The following STRN variants were observed in gnomAD, a reference collection of about 807,000 sequenced individuals.
STRN encodes protein phosphatase 2 regulatory subunit B'''alpha.
STRN carries 53 observed loss-of-function variants against 96.3 expected under a neutral mutation model. The observed-to-expected ratio is 0.55, with a 90% confidence interval of 0.44 to 0.69. The LOEUF is 0.69. STRN is among the 30% of genes least tolerant of loss of function. The pLI is 0.00. For missense variants in STRN, 987 were observed against 963.9 expected, an observed-to-expected ratio of 1.02 and a Z score of -0.32; for synonymous variants, 428 against 355.9, an observed-to-expected ratio of 1.20 and a Z score of -2.28.
chr2:36,958,576 A>G (rs1046321378), intron 1 of STRN, among the ~76,000 whole-genome samples: 2 of 152,356 alleles, frequency 1.3e-5, no homozygotes, highest in African/African-American at 4.8e-5. Context: ...GGAGTGGAAG[A>G]TATGTCATTC....
intron 1 of STRN, among the ~76,000 whole-genome samples, chr2:36,937,717 G>C (rs1174073899): frequency 6.6e-6 from 1 of 151,366 alleles, no homozygotes; most frequent in Non-Finnish European, 1.5e-5. Flanking sequence ...AAGGAAATAA[G>C]AAAGAAAAGA....
intron 2 of STRN, 34 bp from the exon 3 acceptor site, chr2:36,916,185 A>T (rs746406488): frequency 1.3e-6 from 2 of 1,556,616 alleles, no homozygotes; most frequent in Admixed American, 3.4e-5. Flanking sequence ...AGACCATCTT[A>T]AAATATGTTT....
chr2:36,857,513 A>T (rs1668375630), intron 14 of STRN, among the ~76,000 whole-genome samples: 1 of 151,784 alleles, frequency 6.6e-6, no homozygotes, highest in African/African-American at 2.4e-5. Flanking sequence ...TGTCTCTACT[A>T]AAAAAACTAC....
intron 1 of STRN, among the ~76,000 whole-genome samples, chr2:36,955,036 G>A (rs76960456): frequency 0.016 from 2,405 of 152,224 alleles, 24 homozygotes; most frequent in Non-Finnish European, 0.025. Context: ...TCTACTCGAA[G>A]AAAAACTTCA....
chr2:36,955,019 A>G (rs952057551), intron 1 of STRN, among the ~76,000 whole-genome samples: 10 of 152,232 alleles, frequency 6.6e-5, no homozygotes, highest in Non-Finnish European at 1.3e-4. Flanking sequence ...CCGTTTCACT[A>G]AATTATTCTA....
chr2:36,854,025 G>A (rs910015741), intron 15 of STRN, among the ~76,000 whole-genome samples: 4 of 151,974 alleles, frequency 2.6e-5, no homozygotes, highest in African/African-American at 4.8e-5. Context: ...TCTCTTGGGG[G>A]AAAATGTGGA....
rs775597503 is a variant in STRN at position 36,913,078 on chromosome 2, T to G, written c.412+3000A>C. Among the ~76,000 whole-genome samples the G allele has an allele frequency of 2.0e-3, 302 of 152,294 alleles. 1 individual carries two copies. Among genetic ancestry groups the G allele is most frequent in the Non-Finnish European group, 3.6e-3 (245 of 68,018 alleles). On this transcript the variant is annotated intron_variant, in intron 3 of 17. Coordinates refer to ENST00000263918, the MANE Select transcript of STRN (RefSeq NM_003162.4). ...TGAACACACCCTTGTCAAGGAAACC[T>G]TACTCATTTGCCCAGGTTTCTGCAA...
chr2:36,864,564 T>C (rs1468509202), intron 12 of STRN, among the ~76,000 whole-genome samples: 1 of 152,170 alleles, frequency 6.6e-6, no homozygotes, highest in Admixed American at 6.5e-5. Context: ...TGCTAGTAAT[T>C]GGTTGAAGAT....
intron 2 of STRN, among the ~76,000 whole-genome samples, chr2:36,917,755 G>A (rs547555676): frequency 6.3e-4 from 96 of 152,034 alleles, no homozygotes; most frequent in Middle Eastern, 6.9e-3. Context: ...GGGTACATGA[G>A]TATTTTTTAT....
chr2:36,947,866 A>C (rs1264263547), intron 1 of STRN, among the ~76,000 whole-genome samples: 2 of 151,684 alleles, frequency 1.3e-5, no homozygotes, highest in Non-Finnish European at 2.9e-5. Flanking sequence ...ATTTTTTTCA[A>C]ATATTTCTAT....
chr2:36,897,970 C>T (rs918317423), intron 6 of STRN, among the ~76,000 whole-genome samples: 47 of 152,186 alleles, frequency 3.1e-4, no homozygotes, highest in African/African-American at 1.1e-3. Flanking sequence ...GGGTTACAGG[C>T]ACAAGCCACT....
intron 7 of STRN, among the ~76,000 whole-genome samples, chr2:36,889,506 T>C (rs1319733847): frequency 6.6e-6 from 1 of 151,908 alleles, no homozygotes; most frequent in Non-Finnish European, 1.5e-5. Flanking sequence ...TGTAGCCTTA[T>C]AATCTTACTA....
chr2:36,953,330 A>T (rs899101623), intron 1 of STRN, among the ~76,000 whole-genome samples: 5 of 152,098 alleles, frequency 3.3e-5, no homozygotes, highest in African/African-American at 1.2e-4. Context: ...TCAATTCTGT[A>T]ACAAATTTTC....
At chr2:36,912,628 T>C (rs1356656673) in intron 3 of STRN, among the ~76,000 whole-genome samples, 1 of 152,212 alleles carries the variant, frequency 6.6e-6, no homozygotes, top group Non-Finnish European at 1.5e-5. Flanking sequence ...TTTGTAATCT[T>C]ACCTCACATA....
At position 36,877,994 on chromosome 2, in the gene STRN, T is replaced by G. The variant is rs746042577; in HGVS notation, c.1220A>C (p.Lys407Thr). Residue 407 changes from lysine (K) to threonine (T), a missense_variant, in exon 10 of 18, where the codon AAG becomes ACG. Transcript: ENST00000263918. ...EALTFPPSSGKSFIMGADEAL... is the reference protein window; with the variant it reads ...EALTFPPSSGTSFIMGADEAL... Reference sequence around the variant, plus strand: ...TTCATCTGCTCCCATGATGAATGACTTTCCAGAAGAAGGAGGAAATGTCAA... The same window carrying G: ...TTCATCTGCTCCCATGATGAATGACGTTCCAGAAGAAGGAGGAAATGTCAA... 5.6e-6 allele frequency: 9 copies of G among 1,614,126 alleles called. No individual in the cohort carries two copies. Among genetic ancestry groups the G allele is most frequent in the South Asian group, 5.5e-5 (5 of 91,084 alleles).
At chr2:36,950,895 T>A (rs1338761508) in intron 1 of STRN, among the ~76,000 whole-genome samples, 1 of 152,204 alleles carries the variant, frequency 6.6e-6, no homozygotes, top group East Asian at 1.9e-4. Context: ...TTACAGTGTT[T>A]CAGTGTAAGT....
chr2:36,863,174 A>G (rs186111949), intron 12 of STRN, among the ~76,000 whole-genome samples: 2 of 152,208 alleles, frequency 1.3e-5, no homozygotes, highest in Admixed American at 1.3e-4. Flanking sequence ...TCTTCAGTTA[A>G]ATTAGGTCCC....
chr2:36,924,972 C>G (rs1332119792), intron 2 of STRN, 133 bp downstream of exon 2: 2 of 678,242 alleles, frequency 2.9e-6, no homozygotes, highest in Admixed American at 5.2e-5. Context: ...AGGAGAATTG[C>G]TTGAAACCGG....
At chr2:36,939,377 C>G (rs115561301) in intron 1 of STRN, among the ~76,000 whole-genome samples, 12 of 151,982 alleles carry the variant, frequency 7.9e-5, no homozygotes, top group African/African-American at 2.7e-4. Context: ...ATTAATTAGA[C>G]GTGATGATAA....
Sources: allele counts gnomAD v4.1 joint callset (sites outside exome capture counted in the v4.1 genomes callset), GRCh38; gene constraint gnomAD v4.1.1; transcripts MANE v1.5; gene names NCBI Gene and HGNC (gene_info 2026-07-23, HGNC 2026-07-21).